ZNF609: variants seen among roughly 807,000 people sequenced by gnomAD.
ZNF609 encodes zinc finger protein 609.
In ZNF609, 11 loss-of-function variants were observed where a neutral mutation model predicts 109.5. That is an observed-to-expected ratio of 0.10 (90% CI 0.06 to 0.17). ZNF609 has a LOEUF of 0.17. ZNF609 is among the 10% of genes least tolerant of loss of function. ZNF609 has a pLI of 1.00. For synonymous variants in ZNF609, 646 were observed against 662.0 expected (o/e 0.98, Z 0.37); for missense variants, 1,559 against 1,772.4 (o/e 0.88, Z 2.16).
At chr15:64,660,191 C>T (rs533753290) in intron 3 of ZNF609, among the ~76,000 whole-genome samples, 1 of 152,164 alleles carries the variant, frequency 6.6e-6, no homozygotes, top group East Asian at 1.9e-4. Context: ...AGACAAGCTG[C>T]TTTTTTCATT....
intron 2 of ZNF609, among the ~76,000 whole-genome samples, chr15:64,549,820 C>G (rs761176443): frequency 6.6e-5 from 10 of 152,140 alleles, no homozygotes; most frequent in Non-Finnish European, 1.5e-4. Flanking sequence ...GGATCTCACT[C>G]TGTCATCCAG....
At chr15:64,584,261 C>T (rs962305814) in intron 2 of ZNF609, among the ~76,000 whole-genome samples, 1 of 152,108 alleles carries the variant, frequency 6.6e-6, no homozygotes, top group Non-Finnish European at 1.5e-5. Context: ...AGTTTGACAC[C>T]AGCCTGGGCA....
At chr15:64,570,302 C>T (rs1383716690) in intron 2 of ZNF609, among the ~76,000 whole-genome samples, 1 of 152,240 alleles carries the variant, frequency 6.6e-6, no homozygotes. Context: ...TATAACTATA[C>T]TACCTCTCAT....
At chr15:64,605,765 G>A (rs1423938491) in intron 2 of ZNF609, among the ~76,000 whole-genome samples, 5 of 138,168 alleles carry the variant, frequency 3.6e-5, no homozygotes, top group South Asian at 2.3e-4. Flanking sequence ...ACGGAGTCTC[G>A]CTCTGTCGCC....
intron 2 of ZNF609, among the ~76,000 whole-genome samples, chr15:64,538,610 G>A (rs1465156560): frequency 1.3e-5 from 2 of 152,144 alleles, no homozygotes; most frequent in Non-Finnish European, 2.9e-5. Context: ...GCAGTGGGGC[G>A]ATCTTGGCTC....
At chr15:64,492,527 C>T (rs773483359) in intron 1 of ZNF609, among the ~76,000 whole-genome samples, 14 of 152,048 alleles carry the variant, frequency 9.2e-5, no homozygotes, top group Admixed American at 2.0e-4. Context: ...CATATATTTT[C>T]GAGTTGTCTT....
chr15:64,655,033 T>G (rs931227829), intron 3 of ZNF609, among the ~76,000 whole-genome samples: 1 of 150,670 alleles, frequency 6.6e-6, no homozygotes, highest in African/African-American at 2.4e-5. Flanking sequence ...GAGGCAGAGC[T>G]TGCAGTGAAC....
At chr15:64,487,976 C>G (rs963162282) in intron 1 of ZNF609, among the ~76,000 whole-genome samples, 4 of 152,166 alleles carry the variant, frequency 2.6e-5, no homozygotes. Context: ...TGGTTTAAGT[C>G]TGATAGAACT....
chr15:64,475,690 C>T (rs1893160131), intron 1 of ZNF609, among the ~76,000 whole-genome samples: 1 of 152,074 alleles, frequency 6.6e-6, no homozygotes, highest in African/African-American at 2.4e-5. Flanking sequence ...CGCGCCCAGC[C>T]CGCATGTTGT....
intron 3 of ZNF609, among the ~76,000 whole-genome samples, chr15:64,652,726 T>A (rs762113746): frequency 7.9e-5 from 12 of 152,096 alleles, no homozygotes; most frequent in South Asian, 2.1e-4. Flanking sequence ...AGAGATAGAG[T>A]CTCACTGCGT....
intron 2 of ZNF609, among the ~76,000 whole-genome samples, chr15:64,524,683 A>G (rs1487840897): frequency 6.6e-6 from 1 of 152,194 alleles, no homozygotes; most frequent in African/African-American, 2.4e-5. Context: ...CATTATATAA[A>G]TATACCACAT....
chr15:64,540,383 GT>G (rs1595711916), intron 2 of ZNF609, among the ~76,000 whole-genome samples: 1 of 152,030 alleles, frequency 6.6e-6, no homozygotes, highest in Non-Finnish European at 1.5e-5. Flanking sequence ...ATACAGATAG[GT>G]TTTTTTGTGT....
At chr15:64,490,482 C>G (rs1415064895) in intron 1 of ZNF609, among the ~76,000 whole-genome samples, 1 of 152,000 alleles carries the variant, frequency 6.6e-6, no homozygotes, top group Non-Finnish European at 1.5e-5. Context: ...CCATGTTGGT[C>G]AGGCTGGTCT....
intron 2 of ZNF609, among the ~76,000 whole-genome samples, chr15:64,598,413 G>A (rs1180816215): frequency 6.6e-6 from 1 of 152,060 alleles, no homozygotes; most frequent in East Asian, 1.9e-4. Flanking sequence ...ACCACATCCA[G>A]CCTCTATCTG....
chr15:64,615,034 G>C (rs941938887), intron 2 of ZNF609, among the ~76,000 whole-genome samples: 2 of 151,956 alleles, frequency 1.3e-5, no homozygotes, highest in African/African-American at 4.8e-5. Flanking sequence ...GGCCAGGCTC[G>C]TCTCAAACTC....
intron 4 of ZNF609, among the ~76,000 whole-genome samples, chr15:64,672,274 A>G (rs1189510501): frequency 1.3e-5 from 2 of 149,108 alleles, no homozygotes; most frequent in African/African-American, 4.9e-5. Flanking sequence ...GGCCTCCCAA[A>G]GAGCTGGGAT....
At chr15:64,567,135 G>A (rs1483150825) in intron 2 of ZNF609, among the ~76,000 whole-genome samples, 1 of 152,098 alleles carries the variant, frequency 6.6e-6, no homozygotes, top group Non-Finnish European at 1.5e-5. Flanking sequence ...TTAAAAGCAG[G>A]CTTTTATTTT....
chr15:64,608,242 T>A (rs192242732), intron 2 of ZNF609, among the ~76,000 whole-genome samples: 2 of 152,294 alleles, frequency 1.3e-5, no homozygotes, highest in East Asian at 3.9e-4. Context: ...ATCAGTCAAT[T>A]TATCCCACAT....
intron 2 of ZNF609, among the ~76,000 whole-genome samples, chr15:64,520,467 A>G (rs1439761041): frequency 6.6e-6 from 1 of 152,178 alleles, no homozygotes; most frequent in Non-Finnish European, 1.5e-5. Flanking sequence ...TATATGATAT[A>G]TGTAGTTTTC....
Sources: allele counts gnomAD v4.1 joint callset (sites outside exome capture counted in the v4.1 genomes callset), GRCh38; gene constraint gnomAD v4.1.1; transcripts MANE v1.5; gene names NCBI Gene and HGNC (gene_info 2026-07-23, HGNC 2026-07-21).